Variants in GFRA1 observed in about 807,000 individuals in gnomAD.
GFRA1 encodes the protein GDNF family receptor alpha 1.
A neutral mutation model predicts 51.6 loss-of-function variants in GFRA1; 16 were observed. The observed-to-expected ratio is 0.31, with a 90% CI of 0.21 to 0.47. The LOEUF is 0.47. Among genes scored for constraint, GFRA1 ranks in the 20% least tolerant of loss-of-function variants. The pLI is 1.00. For missense variants in GFRA1, 530 were observed against 594.3 expected, an observed-to-expected ratio of 0.89 and a Z score of 1.13; for synonymous variants, 270 against 241.3, an observed-to-expected ratio of 1.12 and a Z score of -1.10.
At chr10:116,157,837 G>A (rs567740157) in intron 5 of GFRA1, among the ~76,000 whole-genome samples, 2 of 152,306 alleles carry the variant, frequency 1.3e-5, no homozygotes, top group Admixed American at 6.5e-5. Context: ...AGGAATGAAC[G>A]AATGGACTGC....
At chr10:116,147,449 C>CT (rs1040660195) in intron 5 of GFRA1, among the ~76,000 whole-genome samples, 10 of 151,438 alleles carry the variant, frequency 6.6e-5, no homozygotes, top group Middle Eastern at 3.4e-3. Context: ...GTGATGAGTC[C>CT]TTTTTTTTTC....
chr10:116,067,214 C>T (rs1365703246), intron 9 of GFRA1, among the ~76,000 whole-genome samples: 2 of 152,188 alleles, frequency 1.3e-5, no homozygotes, highest in African/African-American at 2.4e-5. Context: ...TGGTCCACTG[C>T]ATTGTCACCT....
At chr10:116,253,625 T>C (rs1968572592) in intron 4 of GFRA1, among the ~76,000 whole-genome samples, 1 of 148,876 alleles carries the variant, frequency 6.7e-6, no homozygotes, top group Non-Finnish European at 1.5e-5. Context: ...AAAAAAAAAA[T>C]AAGAAAGAAA....
intron 6 of GFRA1, among the ~76,000 whole-genome samples, chr10:116,114,246 T>C (rs1485001398): frequency 1.3e-5 from 2 of 152,194 alleles, no homozygotes; most frequent in Non-Finnish European, 2.9e-5. Flanking sequence ...CCACTGCCTA[T>C]TCAGTCCAGA....
chr10:116,112,725 C>T (rs1957260299), intron 6 of GFRA1, among the ~76,000 whole-genome samples: 1 of 152,214 alleles, frequency 6.6e-6, no homozygotes, highest in Non-Finnish European at 1.5e-5. Context: ...GGGCTCAGTG[C>T]TCCAGCCTGC....
chr10:116,262,098 G>T (rs967948210), intron 4 of GFRA1, among the ~76,000 whole-genome samples: 1 of 152,164 alleles, frequency 6.6e-6, no homozygotes, highest in Non-Finnish European at 1.5e-5. Flanking sequence ...GAAAAATCAA[G>T]AGATGGCAAA....
chr10:116,209,314 A>G (rs2694769), intron 5 of GFRA1, among the ~76,000 whole-genome samples: 95,783 of 151,998 alleles, frequency 0.63, 32,047 homozygotes, highest in African/African-American at 0.87. Context: ...CTCTGAGAAC[A>G]TCTGATGTTG....
chr10:116,154,823 A>T (rs1290356832), intron 5 of GFRA1, among the ~76,000 whole-genome samples: 2 of 152,198 alleles, frequency 1.3e-5, no homozygotes, highest in African/African-American at 4.8e-5. Flanking sequence ...CCTGTATATT[A>T]GACCAGGTCC....
intron 5 of GFRA1, among the ~76,000 whole-genome samples, chr10:116,145,148 C>CAAAAAA (rs58509181): frequency 8.4e-4 from 24 of 28,722 alleles, no homozygotes; most frequent in East Asian, 1.5e-3. Context: ...GACTCTGTCT[C>CAAAAAA]AAAAAAAAAA....
chr10:116,271,940 C>A lies in GFRA1; in HGVS notation c.40+50G>T, dbSNP rs1034735179. On this transcript the variant is annotated intron_variant, in intron 2 of 10. Coordinates refer to ENST00000355422, the MANE Select transcript of GFRA1 (RefSeq NM_005264.8). ...GGCGGGGTGGGCTGCTGCAAGCGAC[C>A]CTAGGAAAGACTCAGAGGGTAAGAA... The A allele has an allele frequency of 4.1e-6, 6 of 1,470,876 alleles. No homozygotes were observed. The African/African-American group carries it at 5.6e-5, about 14-fold the overall frequency. 91.1% of individuals were successfully genotyped at this position (1,470,876 alleles called of 1,614,324 possible). A position where few individuals can be genotyped will look rare whatever the true frequency, so the allele number is the denominator to read the frequency against.
At chr10:116,273,113 G>A (rs3740573) in intron 1 of GFRA1, 50 bp downstream of exon 1, 17,521 of 152,102 alleles carry the variant, frequency 0.12, 1,156 homozygotes, top group East Asian at 0.27. Context: ...GGGACGGGAA[G>A]CGGCAATGGG....
intron 9 of GFRA1, among the ~76,000 whole-genome samples, chr10:116,066,881 T>C (rs1406287732): frequency 6.6e-6 from 1 of 152,204 alleles, no homozygotes; most frequent in African/African-American, 2.4e-5. Context: ...TCTGTGTGGA[T>C]GGCACTGGCA....
At chr10:116,152,323 C>T (rs1053107088) in intron 5 of GFRA1, among the ~76,000 whole-genome samples, 3 of 152,162 alleles carry the variant, frequency 2.0e-5, no homozygotes, top group Admixed American at 6.5e-5. Context: ...TCTTCACAAC[C>T]TTTTAGAAAC....
At chr10:116,251,726 C>G (rs1968379526) in intron 4 of GFRA1, among the ~76,000 whole-genome samples, 1 of 152,098 alleles carries the variant, frequency 6.6e-6, no homozygotes, top group African/African-American at 2.4e-5. Flanking sequence ...GGCTCAGTTT[C>G]AAGAGGAAAA....
intron 4 of GFRA1, among the ~76,000 whole-genome samples, chr10:116,218,751 C>A (rs562335219): frequency 1.3e-5 from 2 of 152,276 alleles, no homozygotes; most frequent in South Asian, 4.1e-4. Context: ...ACCGGAAGGC[C>A]TCACTCCGCA....
intron 5 of GFRA1, among the ~76,000 whole-genome samples, chr10:116,180,993 C>T (rs570874495): frequency 1.6e-4 from 24 of 152,288 alleles, no homozygotes; most frequent in African/African-American, 5.8e-4. Flanking sequence ...TTCTAAATCA[C>T]CCCATGAAGT....
At chr10:116,248,577 C>T (rs930272093) in intron 4 of GFRA1, among the ~76,000 whole-genome samples, 1 of 152,206 alleles carries the variant, frequency 6.6e-6, no homozygotes, top group African/African-American at 2.4e-5. Context: ...TCTCTTCCCA[C>T]AGTTGAAGGA....
rs1954772008 is a variant in GFRA1, at chr10:116,060,781, CCA to C, written c.*3615_*3616del. 2.0e-5 allele frequency: 3 copies of C among 151,388 alleles called. No homozygotes were observed. Among genetic ancestry groups the C allele is most frequent in the African/African-American group, 7.3e-5 (3 of 40,904 alleles). The allele number at this position is 151,388 out of a possible 1,614,324, so 9.4% of individuals were successfully genotyped here. On this transcript the variant is annotated 3_prime_UTR_variant, in exon 11 of 11. Coordinates refer to ENST00000355422, the MANE Select transcript of GFRA1 (RefSeq NM_005264.8). ...TTCATTTAAGCAGCCCTTTTCTGGT[CCA>C]CAGTTTATTGATTCAAGTACATCGT...
At chr10:116,086,703 G>C (rs1444090779) in intron 9 of GFRA1, among the ~76,000 whole-genome samples, 1 of 152,226 alleles carries the variant, frequency 6.6e-6, no homozygotes, top group African/African-American at 2.4e-5. Flanking sequence ...ATATCACAGG[G>C]AAGAGAGGTG....
Sources: gnomAD v4.1 joint callset for allele counts (sites outside exome capture counted in the v4.1 genomes callset) on GRCh38, gnomAD v4.1.1 for gene constraint, MANE v1.5 for transcripts, NCBI Gene and HGNC (gene_info 2026-07-23, HGNC 2026-07-21) for gene names.